NAALAD2: variants seen among roughly 807,000 people sequenced by gnomAD.
The protein encoded by NAALAD2 is N-acetylated-alpha-linked acidic dipeptidase 2.
In NAALAD2, 89 loss-of-function variants were observed where a neutral mutation model predicts 95.6. The ratio of observed to expected loss-of-function variants is 0.93; its 90% CI spans 0.78 to 1.11. The LOEUF is 1.11. NAALAD2 is among the 50% of genes least tolerant of loss of function. The pLI is 0.00. For synonymous variants in NAALAD2, 264 were observed against 294.4 expected, an observed-to-expected ratio of 0.90 and a Z score of 1.06; for missense variants, 894 against 872.4, an observed-to-expected ratio of 1.02 and a Z score of -0.31.
At chr11:90,166,696 G>A (rs1405479654) in intron 11 of NAALAD2, among the ~76,000 whole-genome samples, 5 of 151,966 alleles carry the variant, frequency 3.3e-5, no homozygotes, top group Non-Finnish European at 7.4e-5. Context: ...TAAGCCAGGC[G>A]CAGTGGTGGG....
intron 17 of NAALAD2, among the ~76,000 whole-genome samples, chr11:90,181,991 C>T (rs1406351626): frequency 6.6e-6 from 1 of 150,674 alleles, no homozygotes; most frequent in Non-Finnish European, 1.5e-5. Context: ...GAATGGTAGA[C>T]TAAAAACTCA....
chr11:90,175,934 G>A, intron 14 of NAALAD2, 38 bp from the exon 15 acceptor site: 3 of 1,191,680 alleles, frequency 2.5e-6, no homozygotes, highest in Admixed American at 1.7e-5. Flanking sequence ...GTTTATGTGT[G>A]TGTGTGTGTG....
chr11:90,180,511 A>AT (rs1225593388), intron 16 of NAALAD2, among the ~76,000 whole-genome samples: 2 of 152,184 alleles, frequency 1.3e-5, no homozygotes, highest in East Asian at 3.9e-4. Context: ...CAGGATTTCT[A>AT]TTAGGTCAGA....
chr11:90,142,663 C>T (rs193088149), intron 2 of NAALAD2, among the ~76,000 whole-genome samples: 178 of 152,100 alleles, frequency 1.2e-3, no homozygotes, highest in Admixed American at 1.6e-3. Context: ...CTTTTTTATC[C>T]ACTCTGGTAA....
At chr11:90,141,743 C>T (rs545616544) in intron 2 of NAALAD2, among the ~76,000 whole-genome samples, 3 of 152,202 alleles carry the variant, frequency 2.0e-5, no homozygotes, top group East Asian at 1.9e-4. Context: ...AGCCACTGGA[C>T]TTGGCTGGAA....
Position 90,171,578 on chromosome 11 carries a change from A to G in NAALAD2, c.1410+1442A>G, listed in dbSNP as rs148882407. 3.9e-3 allele frequency among the ~76,000 whole-genome samples: 588 copies of G among 152,330 alleles called. 4 individuals carry two copies. The highest frequency in any genetic ancestry group is 0.013 in the African/African-American group (550 of 41,578). ...GAATGATAAGAATTTGGTGGTTGAT[A>G]AGGGAGAAGTTGACATCTGTGCCTC... On this transcript the variant is annotated intron_variant, in intron 13 of 18. Coordinates refer to ENST00000534061, the MANE Select transcript of NAALAD2 (RefSeq NM_005467.4).
chr11:90,154,914 G>A (rs1448570947), intron 6 of NAALAD2, among the ~76,000 whole-genome samples: 1 of 61,020 alleles, frequency 1.6e-5, no homozygotes, highest in Non-Finnish European at 3.0e-5. Context: ...GTATACATAT[G>A]TATATATTAT....
At chr11:90,138,505 A>G (rs1951509724) in intron 2 of NAALAD2, among the ~76,000 whole-genome samples, 1 of 152,134 alleles carries the variant, frequency 6.6e-6, no homozygotes, top group African/African-American at 2.4e-5. Context: ...CCGTGTTGTA[A>G]AAGAAGTCAA....
At chr11:90,144,228 G>A (rs1951692849) in intron 2 of NAALAD2, among the ~76,000 whole-genome samples, 1 of 152,178 alleles carries the variant, frequency 6.6e-6, no homozygotes, top group South Asian at 2.1e-4. Context: ...TCAAAGTTTT[G>A]TAGATGACAG....
At chr11:90,185,858 C>CTTT (rs375865674) in intron 18 of NAALAD2, among the ~76,000 whole-genome samples, 5,509 of 132,982 alleles carry the variant, frequency 0.041, 128 homozygotes, top group Non-Finnish European at 0.056. Flanking sequence ...AGGGTAAACA[C>CTTT]TTTTTTTTTT....
intron 11 of NAALAD2, among the ~76,000 whole-genome samples, chr11:90,166,968 G>A (rs932398848): frequency 5.9e-5 from 9 of 152,212 alleles, no homozygotes; most frequent in African/African-American, 2.2e-4. Flanking sequence ...TGGCCAACAT[G>A]GTGAAACCCC....
chr11:90,150,438 T>C, intron 4 of NAALAD2, 44 bp from the exon 5 acceptor site: 1 of 1,295,400 alleles, frequency 7.7e-7, no homozygotes, highest in Admixed American at 2.4e-5. Context: ...TTTTTTTTTT[T>C]CTTTAATTTT....
chr11:90,146,047 C>A (rs140674169), intron 2 of NAALAD2, among the ~76,000 whole-genome samples: 1 of 152,036 alleles, frequency 6.6e-6, no homozygotes, highest in Non-Finnish European at 1.5e-5. Context: ...GATCGGGTAA[C>A]TACAATTTTG....
At chr11:90,177,031 AAGG>A (rs1193386487) in intron 15 of NAALAD2, among the ~76,000 whole-genome samples, 4 of 152,210 alleles carry the variant, frequency 2.6e-5, no homozygotes, top group African/African-American at 9.6e-5. Context: ...AATTAGATAG[AAGG>A]AGAAGGACTG....
chr11:90,177,586 G>GGTTTTTTTTTTTTTTTT (rs1952832778), intron 15 of NAALAD2, among the ~76,000 whole-genome samples: 1 of 28,456 alleles, frequency 3.5e-5, no homozygotes, highest in Admixed American at 5.3e-4. Context: ...TCTTTTTCTT[G>GGTTTTTTTTTTTTTTTT]TTTTTTTTTT....
Position 90,159,238 on chromosome 11 carries a change from G to A in NAALAD2, c.891-1G>A. On this transcript the variant is annotated splice_acceptor_variant, in intron 7 of 18. Transcript: ENST00000534061. LOFTEE classifies it high-confidence loss of function. ...CTGTCACTTTCATTTTATTTTGTCAGCTACTTGGGAGGAATTGCTCCACCA... is the reference window on the plus strand; with the variant it reads ...CTGTCACTTTCATTTTATTTTGTCAACTACTTGGGAGGAATTGCTCCACCA... 1.2e-6 allele frequency: 2 copies of A among 1,609,272 alleles called. No homozygotes were observed. Among genetic ancestry groups the A allele is most frequent in the Non-Finnish European group, 8.5e-7 (1 of 1,176,152 alleles).
chr11:90,153,440 C>G (rs1951943944), intron 6 of NAALAD2, among the ~76,000 whole-genome samples: 1 of 152,018 alleles, frequency 6.6e-6, no homozygotes, highest in African/African-American at 2.4e-5. Flanking sequence ...ATGTCCTCAC[C>G]AACATTTAGT....
chr11:90,150,455 A>G (rs1218330573), intron 4 of NAALAD2, 27 bp from the exon 5 acceptor site: 1 of 1,451,056 alleles, frequency 6.9e-7, no homozygotes. Flanking sequence ...TTTTAGCAGT[A>G]TTATATATAT....
intron 6 of NAALAD2, among the ~76,000 whole-genome samples, chr11:90,155,301 T>G (rs1428049962): frequency 4.2e-4 from 45 of 106,142 alleles, no homozygotes; most frequent in African/African-American, 1.3e-3. Context: ...TATGTATATA[T>G]AATGTATATA....
Sources: gnomAD v4.1 joint callset for allele counts (sites outside exome capture counted in the v4.1 genomes callset) on GRCh38, gnomAD v4.1.1 for gene constraint, MANE v1.5 for transcripts, NCBI Gene and HGNC (gene_info 2026-07-23, HGNC 2026-07-21) for gene names.